DPP6: variants seen among roughly 807,000 people sequenced by gnomAD.
DPP6 encodes dipeptidyl peptidase like 6, also known as A-type potassium channel modulatory protein DPP6.
Under a neutral mutation model 122.6 loss-of-function variants are expected in DPP6, and 69 were observed. That is an observed-to-expected ratio of 0.56 (90% CI 0.46 to 0.69). The LOEUF is 0.69. DPP6 is among the 30% of genes least tolerant of loss of function. DPP6 has a pLI of 0.00. For missense variants in DPP6, 928 were observed against 1,116.9 expected, an observed-to-expected ratio of 0.83 and a Z score of 2.41; for synonymous variants, 418 against 433.1, an observed-to-expected ratio of 0.97 and a Z score of 0.43.
intron 1 of DPP6, among the ~76,000 whole-genome samples, chr7:153,926,637 ATCTCCC>A (rs1800912501): frequency 1.3e-5 from 2 of 152,048 alleles, no homozygotes; most frequent in East Asian, 3.9e-4. Context: ...TATCTCCCTG[ATCTCCC>A]TATGATGCAA....
At chr7:154,117,756 G>A (rs4410823) in intron 1 of DPP6, among the ~76,000 whole-genome samples, 81,299 of 148,740 alleles carry the variant, frequency 0.55, 24,422 homozygotes, top group East Asian at 0.74. Flanking sequence ...AGTGGTGTGG[G>A]TGGGAGAATG....
At chr7:153,828,273 C>T in the DPP6 span, among the ~76,000 whole-genome samples, 1 of 152,158 alleles carries the variant, frequency 6.6e-6, no homozygotes, top group Non-Finnish European at 1.5e-5. Context: ...GACAGTGTGA[C>T]TGTGGCATAG....
At position 154,498,940 on chromosome 7, in the gene DPP6, A is replaced by G. The variant is rs140041594; in HGVS notation, c.457+23903A>G. Among the ~76,000 whole-genome samples, 301 of 152,296 alleles carry G rather than the reference A, an allele frequency of 2.0e-3. 1 individual carries two copies. Among genetic ancestry groups the G allele is most frequent in the African/African-American group, 6.9e-3 (287 of 41,572 alleles). On this transcript the variant is annotated intron_variant, in intron 3 of 25. Transcript: ENST00000377770. ...ATATCCCTGCTCTGCCATCAGTAACATATGGCTTTTATCTTTAGATTCACA... is the reference window on the plus strand; with the variant it reads ...ATATCCCTGCTCTGCCATCAGTAACGTATGGCTTTTATCTTTAGATTCACA...
At chr7:154,542,216 C>T (rs1828784826) in intron 4 of DPP6, among the ~76,000 whole-genome samples, 1 of 151,956 alleles carries the variant, frequency 6.6e-6, no homozygotes, top group Non-Finnish European at 1.5e-5. Context: ...CAAAGTAGGA[C>T]CTAGGACAAA....
intron 2 of DPP6, among the ~76,000 whole-genome samples, chr7:154,455,964 A>G (rs973665158): frequency 1.3e-5 from 2 of 152,078 alleles, no homozygotes; most frequent in Non-Finnish European, 2.9e-5. Context: ...GGCCTTAAGG[A>G]CCATATTTTT....
rs77901800 is a variant in DPP6, at chr7:154,871,797, C to T, written c.1814-827C>T. Among the ~76,000 whole-genome samples the T allele has an allele frequency of 5.3e-5, 8 of 152,316 alleles. No homozygotes were observed. In the East Asian group the frequency reaches 1.2e-3, roughly 22 times the overall value. ...CTGTGTAGTAATTGTATTGAAAAGC[C>T]GCTAATTCCAATTTAATTGCTGTGC... On this transcript the variant is annotated intron_variant, in intron 18 of 25. Transcript: ENST00000377770.
rs370555818 is a variant in DPP6, at chr7:154,440,870, G to A, written c.244-5344G>A. 4.0e-4 allele frequency among the ~76,000 whole-genome samples: 61 copies of A among 152,226 alleles called. 2 individuals carry two copies. The South Asian group carries it at 0.012, about 29-fold the overall frequency. On this transcript the variant is annotated intron_variant, in intron 1 of 25. Coordinates refer to ENST00000377770, the MANE Select transcript of DPP6 (RefSeq NM_130797.4). ...GCAAGGCTGGACCTCAGCTGTCCCC[G>A]GGGTCCCTGCTGTGCTGCCCCCGAT...
chr7:154,620,703 G>A (rs756684364), intron 5 of DPP6, among the ~76,000 whole-genome samples: 89 of 152,278 alleles, frequency 5.8e-4, no homozygotes, highest in Non-Finnish European at 1.1e-3. Flanking sequence ...CTGTAACGAC[G>A]TCCCCGTCAG....
At chr7:154,328,971 C>T (rs1372692083) in intron 1 of DPP6, among the ~76,000 whole-genome samples, 2 of 152,212 alleles carry the variant, frequency 1.3e-5, no homozygotes, top group African/African-American at 4.8e-5. Flanking sequence ...AAAAATGTTG[C>T]TAACTGTGGA....
At chr7:154,818,639 A>G (rs1472975459) in intron 16 of DPP6, among the ~76,000 whole-genome samples, 1 of 152,242 alleles carries the variant, frequency 6.6e-6, no homozygotes, top group Admixed American at 6.5e-5. Flanking sequence ...CAAACTAGTT[A>G]ATCCTCTAGA....
At chr7:153,913,068 G>T (rs1800156429) in intron 1 of DPP6, among the ~76,000 whole-genome samples, 2 of 152,132 alleles carry the variant, frequency 1.3e-5, no homozygotes, top group Admixed American at 1.3e-4. Flanking sequence ...GTGTTTAGGA[G>T]TTGTGATACA....
intron 16 of DPP6, among the ~76,000 whole-genome samples, chr7:154,846,866 G>A (rs887449990): frequency 7.2e-5 from 11 of 151,810 alleles, no homozygotes; most frequent in African/African-American, 2.7e-4. Context: ...AGATGTTTTC[G>A]CTTAACCTTA....
chr7:154,474,546 C>G (rs1325603378), intron 2 of DPP6, among the ~76,000 whole-genome samples: 1 of 152,198 alleles, frequency 6.6e-6, no homozygotes, highest in Non-Finnish European at 1.5e-5. Flanking sequence ...AAATGCTGCA[C>G]TTAATGAATG....
intron 1 of DPP6, among the ~76,000 whole-genome samples, chr7:154,028,960 C>T (rs531554031): frequency 9.3e-5 from 14 of 151,060 alleles, no homozygotes; most frequent in African/African-American, 3.4e-4. Flanking sequence ...TGAGCAGCTC[C>T]GACCACACCA....
At chr7:153,955,852 G>C (rs1414659070) in intron 1 of DPP6, among the ~76,000 whole-genome samples, 1 of 152,020 alleles carries the variant, frequency 6.6e-6, no homozygotes, top group Non-Finnish European at 1.5e-5. Context: ...TATGATTTCA[G>C]AGTCTACACT....
intron 1 of DPP6, among the ~76,000 whole-genome samples, chr7:153,896,971 A>G (rs1333213888): frequency 4.6e-5 from 7 of 152,142 alleles, no homozygotes; most frequent in Non-Finnish European, 8.8e-5. Flanking sequence ...TTTTCTTCCT[A>G]TGACTCTGTA....
chr7:154,429,151 C>G (rs577809695), intron 1 of DPP6, among the ~76,000 whole-genome samples: 2 of 150,034 alleles, frequency 1.3e-5, no homozygotes, highest in African/African-American at 4.9e-5. Context: ...AGTCTCTTAA[C>G]CTCTCTGAGC....
chr7:154,299,425 G>A (rs992084654), intron 1 of DPP6, among the ~76,000 whole-genome samples: 9 of 152,328 alleles, frequency 5.9e-5, no homozygotes, highest in South Asian at 2.1e-4. Context: ...GTCGACTGTC[G>A]GAAAGCTGGT....
At chr7:154,874,626 C>A (rs149880113) in intron 19 of DPP6, among the ~76,000 whole-genome samples, 1 of 152,238 alleles carries the variant, frequency 6.6e-6, no homozygotes, top group Admixed American at 6.5e-5. Context: ...GCTCCTGGCC[C>A]GCTCCTCCTG....
Sources: gnomAD v4.1 joint callset for allele counts (sites outside exome capture counted in the v4.1 genomes callset) on GRCh38, gnomAD v4.1.1 for gene constraint, MANE v1.5 for transcripts, NCBI Gene and HGNC (gene_info 2026-07-23, HGNC 2026-07-21) for gene names.